The following ABCG1 variants were observed in gnomAD, a reference collection of about 807,000 sequenced individuals.
ABCG1 encodes the protein ATP binding cassette subfamily G member 1.
Under a neutral mutation model 69.2 loss-of-function variants are expected in ABCG1, and 29 were observed. The observed-to-expected ratio is 0.42, with a 90% CI of 0.31 to 0.57. The LOEUF (loss-of-function observed/expected upper bound fraction) is 0.57, where lower values mean the gene tolerates loss of function less well. Ranked by LOEUF, ABCG1 falls within the 20% of genes least tolerant of loss-of-function variation. The pLI is 0.15. For synonymous variants in ABCG1, 370 were observed against 374.8 expected, an observed-to-expected ratio of 0.99 and a Z score of 0.15; for missense variants, 718 against 898.1, an observed-to-expected ratio of 0.80 and a Z score of 2.56.
chr21:42,257,820 C>T lies in ABCG1; in HGVS notation c.287-13250C>T, dbSNP rs919501082. Among the ~76,000 whole-genome samples the T allele has an allele frequency of 4.6e-5, 7 of 152,320 alleles. No homozygotes were observed. In the East Asian group the frequency reaches 1.3e-3, roughly 29 times the overall value. On this transcript the variant is annotated intron_variant, in intron 2 of 14. Transcript: ENST00000398449. ...AGAAAAGGCGTTCTTCAGGAACAGA[C>T]TGAGGCTTCATGAAGATCCTTCCCT...
At chr21:42,240,852 C>T (rs928388628) in intron 2 of ABCG1, among the ~76,000 whole-genome samples, 1 of 152,262 alleles carries the variant, frequency 6.6e-6, no homozygotes, top group Non-Finnish European at 1.5e-5. Flanking sequence ...TGACCTGGAC[C>T]AGATTAAGCC....
At chr21:42,258,402 C>T (rs2068345940) in intron 2 of ABCG1, among the ~76,000 whole-genome samples, 1 of 150,824 alleles carries the variant, frequency 6.6e-6, no homozygotes, top group Non-Finnish European at 1.5e-5. Context: ...TCCTTCCCTC[C>T]ATCCCACCTT....
intron 2 of ABCG1, among the ~76,000 whole-genome samples, chr21:42,254,631 C>T (rs942442152): frequency 2.6e-5 from 4 of 152,158 alleles, no homozygotes; most frequent in African/African-American, 9.7e-5. Flanking sequence ...CACATGATCA[C>T]GAAAATGGAG....
rs528643694 is a variant in ABCG1, at chr21:42,287,323, G to A, written c.974-566G>A. On this transcript the variant is annotated intron_variant, in intron 8 of 14. Transcript: ENST00000398449. The surrounding 1 kb of genome is among the most constrained non-coding windows in gnomAD (Gnocchi z 6.2). ...GGGAGGTGACGATTGGGATGCGAGA[G>A]GCAGGAGCAGCGGGCAGGGCCGGTG... Among the ~76,000 whole-genome samples the A allele has an allele frequency of 5.3e-5, 8 of 152,316 alleles. No individual in the cohort carries two copies. The highest frequency in any genetic ancestry group is 1.7e-4 in the African/African-American group (7 of 41,566).
rs145626208 is a variant in ABCG1, at chr21:42,206,574, G to T, written c.48+4851G>T. ...TCCTATTGATGAATGGTGTTATTGA[G>T]TTCTTCTATATCCTGGTACTACAGG... On this transcript the variant is annotated intron_variant, in intron 2 of 15. Coordinates refer to the ABCG1 transcript ENST00000398457. 1.2e-3 allele frequency among the ~76,000 whole-genome samples: 188 copies of T among 152,130 alleles called. 1 individual carries two copies. The highest frequency in any genetic ancestry group is 4.2e-3 in the African/African-American group (173 of 41,512).
chr21:42,255,556 T>C (rs1331863706), intron 2 of ABCG1, among the ~76,000 whole-genome samples: 3 of 152,188 alleles, frequency 2.0e-5, no homozygotes, highest in Non-Finnish European at 4.4e-5. Context: ...ACGCACTCAC[T>C]GAGGGCCCCT....
upstream of ABCG1, among the ~76,000 whole-genome samples, chr21:42,212,909 G>A (rs139716990): frequency 4.5e-3 from 691 of 152,208 alleles, 13 homozygotes; most frequent in Admixed American, 0.032. Flanking sequence ...TAGCCAGGAT[G>A]GTCTCGATCT....
rs2069219841 is a variant in ABCG1 at position 42,296,754 on chromosome 21, A to C, written c.*362A>C. On this transcript the variant is annotated 3_prime_UTR_variant, in exon 15 of 15. Transcript: ENST00000398449. The surrounding 1 kb of genome is among the most constrained non-coding windows in gnomAD (Gnocchi z 5.4). ...TAGCACCAGGCACCGTGGGTCCTGG[A>C]TGGGGAACTGCAAGCAGCCTCTCAG... The C allele has an allele frequency of 1.0e-5, 3 of 288,914 alleles. No homozygotes were observed. The South Asian group carries it at 1.5e-4, about 14-fold the overall frequency. 17.9% of individuals were successfully genotyped at this position (288,914 alleles called of 1,614,324 possible).
chr21:42,245,498 G>A (rs1382285932), intron 2 of ABCG1, among the ~76,000 whole-genome samples: 4 of 152,228 alleles, frequency 2.6e-5, no homozygotes, highest in Non-Finnish European at 4.4e-5. Context: ...AAGGGTGGGT[G>A]CGGCCACACA....
intron 2 of ABCG1, among the ~76,000 whole-genome samples, chr21:42,228,975 G>C (rs1020864058): frequency 6.6e-6 from 1 of 152,186 alleles, no homozygotes; most frequent in Non-Finnish European, 1.5e-5. Flanking sequence ...GCATCCCACT[G>C]GACCTCACCC....
chr21:42,274,123 G>A (rs1412819812), intron 4 of ABCG1, among the ~76,000 whole-genome samples: 3 of 152,208 alleles, frequency 2.0e-5, no homozygotes, highest in African/African-American at 7.2e-5. Context: ...CCGTGCACCT[G>A]CTTTATCCTC....
At chr21:42,231,879 T>C (rs1272601573) in intron 2 of ABCG1, among the ~76,000 whole-genome samples, 1 of 152,260 alleles carries the variant, frequency 6.6e-6, no homozygotes, top group African/African-American at 2.4e-5. Context: ...CCTTTGCCTT[T>C]AATGGAGGTG....
chr21:42,218,637 G>T (rs192673417), upstream of ABCG1, among the ~76,000 whole-genome samples: 620 of 152,300 alleles, frequency 4.1e-3, 5 homozygotes, highest in African/African-American at 0.014. Flanking sequence ...CGGTGCTGTT[G>T]GGGGCGTTGG....
At chr21:42,210,646 G>A (rs1326862364) in intron 2 of ABCG1, among the ~76,000 whole-genome samples, 3 of 152,246 alleles carry the variant, frequency 2.0e-5, no homozygotes, top group Non-Finnish European at 4.4e-5. Flanking sequence ...ATATCTACTT[G>A]CAGTTTTTCC....
At chr21:42,282,147 C>T in intron 5 of ABCG1, 127 bp from the exon 6 acceptor site, 6 of 1,352,162 alleles carry the variant, frequency 4.4e-6, no homozygotes, top group African/African-American at 1.5e-5. Flanking sequence ...CTTGCGTGGC[C>T]TCCACGTGGG....
intron 2 of ABCG1, among the ~76,000 whole-genome samples, chr21:42,270,409 T>A (rs879409834): frequency 6.6e-6 from 1 of 152,098 alleles, no homozygotes; most frequent in Non-Finnish European, 1.5e-5. Context: ...GCTTTTCCCC[T>A]TTTATAAAGC....
rs940551275 is a variant in ABCG1, at chr21:42,220,124, A to C, written c.42+820A>C. The C allele has an allele frequency of 3.0e-6, 4 of 1,346,086 alleles. No individual in the cohort carries two copies. The African/African-American group carries it at 4.3e-5, about 15-fold the overall frequency. 83.4% of individuals were successfully genotyped at this position (1,346,086 alleles called of 1,614,324 possible). ...ATTAGGAACAAACAACAAACCAATC[A>C]TCAGGCCCCCAGCCACCCACCTCAC... On this transcript the variant is annotated intron_variant, in intron 1 of 14. Coordinates refer to ENST00000398449, the MANE Select transcript of ABCG1 (RefSeq NM_016818.3).
chr21:42,225,739 G>A lies in ABCG1; in HGVS notation c.111G>A (p.Val37=). The change falls in exon 2 of 15, where the codon GTG becomes GTA. Residue 37 remains valine (V), a synonymous_variant. Coordinates refer to ENST00000398449, the MANE Select transcript of ABCG1 (RefSeq NM_016818.3). ...TGTGTGTCTCGGTGGATGAGGTGGTGTCCAGCAACATGGAGGCCACTGAGA... is the reference window on the plus strand; with the variant it reads ...TGTGTGTCTCGGTGGATGAGGTGGTATCCAGCAACATGGAGGCCACTGAGA... ...KSVCVSVDEV[V]SSNMEATETD... 6.2e-7 allele frequency: 1 copy of A among 1,610,074 alleles called. No individual in the cohort carries two copies. The highest frequency in any genetic ancestry group is 8.5e-7 in the Non-Finnish European group (1 of 1,178,340).
rs1374671572 is a variant in ABCG1 at position 42,283,753 on chromosome 21, T to C, written c.735-807T>C. Among the ~76,000 whole-genome samples the C allele has an allele frequency of 7.9e-5, 3 of 38,058 alleles. 1 individual carries two copies. The highest frequency in any genetic ancestry group is 1.5e-4 in the Non-Finnish European group (3 of 19,708). 25.0% of individuals were successfully genotyped at this position (38,058 alleles called of 152,430 possible). ...GATGAGTGGGGACCCCCCACCTCTG[T>C]CCTGCCTGGACAGTTGTGAAGTACC... On this transcript the variant is annotated intron_variant, in intron 6 of 14. Coordinates refer to ENST00000398449, the MANE Select transcript of ABCG1 (RefSeq NM_016818.3).
Sources: allele counts gnomAD v4.1 joint callset (sites outside exome capture counted in the v4.1 genomes callset), GRCh38; gene constraint gnomAD v4.1.1; non-coding constraint Gnocchi (gnomAD v3.1); transcripts MANE v1.5; gene names NCBI Gene and HGNC (gene_info 2026-07-23, HGNC 2026-07-21).